Variants in COG4 observed in about 807,000 individuals in gnomAD.
The protein encoded by COG4 is component of oligomeric golgi complex 4, also known as conserved oligomeric Golgi complex subunit 4.
In COG4, 65 loss-of-function variants were observed where a neutral mutation model predicts 95.1. The observed-to-expected ratio is 0.68, with a 90% CI of 0.56 to 0.84. The LOEUF is 0.84. Ranked by LOEUF, COG4 falls within the 40% of genes least tolerant of loss-of-function variation. The pLI, the probability that COG4 is intolerant of heterozygous loss-of-function variation, is 0.00. For synonymous variants in COG4, 421 were observed against 374.8 expected (o/e 1.12, Z -1.42); for missense variants, 1,045 against 989.1 (o/e 1.06, Z -0.76).
chr16:70,522,423 C>T (rs2049967665), intron 1 of COG4, among the ~76,000 whole-genome samples: 1 of 152,188 alleles, frequency 6.6e-6, no homozygotes, highest in South Asian at 2.1e-4. Flanking sequence ...AGCACTCCAG[C>T]CTGCGCAACA....
intron 15 of COG4, chr16:70,482,486 C>T (rs1055255377): frequency 1.3e-5 from 8 of 610,190 alleles, no homozygotes; most frequent in African/African-American, 7.4e-5. Context: ...CTATCATAGG[C>T]GGGGCAAAAA....
At chr16:70,484,017 G>A in intron 13 of COG4, 48 bp from the exon 14 acceptor site, 1 of 1,333,902 alleles carries the variant, frequency 7.5e-7, no homozygotes, top group Non-Finnish European at 1.1e-6. Flanking sequence ...GTGGGCCATG[G>A]GAGTGTGAGG....
At chr16:70,492,956 T>A (rs1175849153) in intron 12 of COG4, among the ~76,000 whole-genome samples, 1 of 151,272 alleles carries the variant, frequency 6.6e-6, no homozygotes, top group Admixed American at 6.6e-5. Flanking sequence ...AGAACGAAAC[T>A]CCATCTCCAA....
rs2048972584 is a variant in COG4 at position 70,480,770 on chromosome 16, C to G, written c.*240G>C. 3.6e-6 allele frequency: 2 copies of G among 556,656 alleles called. No homozygotes were observed. Among genetic ancestry groups the G allele is most frequent in the Admixed American group, 3.1e-5 (1 of 32,126 alleles). 34.5% of individuals were successfully genotyped at this position (556,656 alleles called of 1,614,324 possible). On this transcript the variant is annotated 3_prime_UTR_variant, in exon 19 of 19. Coordinates refer to ENST00000323786, the MANE Select transcript of COG4 (RefSeq NM_015386.3). The stretch of plus-strand genomic sequence containing the variant: ...GCTGCTCGCTGCCTGCCGTGGCTTT[C>G]CCACCTCATTAGGAGCCCGCTTCTC...
At chr16:70,513,477 C>A (rs1263120651) in intron 4 of COG4, among the ~76,000 whole-genome samples, 4 of 152,154 alleles carry the variant, frequency 2.6e-5, no homozygotes, top group Admixed American at 2.6e-4. Context: ...AAACCATCGA[C>A]AGTACTGAAC....
chr16:70,516,370 C>T (rs2151762989), intron 3 of COG4, among the ~76,000 whole-genome samples: 1 of 151,866 alleles, frequency 6.6e-6, no homozygotes, highest in Admixed American at 6.6e-5. Context: ...CATCTCGGCT[C>T]ACTGTAAGCT....
At chr16:70,482,443 CACT>C in intron 15 of COG4, 1 of 609,354 alleles carries the variant, frequency 1.6e-6, no homozygotes, top group Non-Finnish European at 2.9e-6. Context: ...GGAATGAAAT[CACT>C]ACGCCAGGAG....
chr16:70,511,986 C>T (rs192564032), intron 5 of COG4, among the ~76,000 whole-genome samples: 17 of 151,946 alleles, frequency 1.1e-4, no homozygotes, highest in Admixed American at 1.1e-3. Context: ...TTTAATTTCA[C>T]ATGCTTTCGC....
rs2049894762 is a variant in COG4 at position 70,519,685 on chromosome 16, G to A, written c.218C>T (p.Thr73Ile). 6.2e-7 allele frequency: 1 copy of A among 1,613,744 alleles called. No homozygotes were observed. The highest frequency in any genetic ancestry group is 8.5e-7 in the Non-Finnish European group (1 of 1,179,894). Residue 73 changes from threonine to isoleucine, a missense_variant, in exon 2 of 19, where the codon ACC (threonine) becomes ATC (isoleucine). Transcript: ENST00000323786. ...ELDALLEQQN[T>I]IESKMVTLHR... ...GAGAGTGACCATCTTACTTTCAATG[G>A]TGTTTTGCTGTTCCAAAAGAGCATC...
intron 13 of COG4, among the ~76,000 whole-genome samples, chr16:70,487,458 G>A (rs1460139590): frequency 6.6e-6 from 1 of 151,996 alleles, no homozygotes; most frequent in Non-Finnish European, 1.5e-5. Flanking sequence ...TTAGCTGGGC[G>A]TGGTGGCAGG....
At chr16:70,493,925 C>T (rs982408999) in intron 12 of COG4, among the ~76,000 whole-genome samples, 5 of 152,156 alleles carry the variant, frequency 3.3e-5, no homozygotes, top group East Asian at 1.9e-4. Context: ...AGCCAGTCTT[C>T]GAGACATGAG....
chr16:70,505,220 C>T (rs868365526), intron 8 of COG4, among the ~76,000 whole-genome samples: 76 of 128,122 alleles, frequency 5.9e-4, no homozygotes, highest in Middle Eastern at 4.8e-3. Flanking sequence ...TTTTTTGAGA[C>T]AGAGTCTCGC....
In COG4 at chr16:70,512,233, C is replaced by G. The variant is rs764659186; in HGVS notation, c.738+6G>C. On this transcript the variant is annotated splice_donor_region_variant and intron_variant, in intron 5 of 18. Transcript: ENST00000323786. The stretch of plus-strand genomic sequence containing the variant: ...AATTATCCTGCCAAGCAATCAGGGT[C>G]CATACCTGCTTGCAAAGGTACTCCG... 1 of 1,613,138 alleles carries G rather than the reference C, an allele frequency of 6.2e-7. No homozygotes were observed. Among genetic ancestry groups the G allele is most frequent in the Non-Finnish European group, 8.5e-7 (1 of 1,179,132 alleles).
chr16:70,496,189 A>G (rs575546469), intron 12 of COG4, 77 bp downstream of exon 12: 12 of 1,513,638 alleles, frequency 7.9e-6, no homozygotes, highest in East Asian at 2.3e-5. Flanking sequence ...CTAGAGGCCA[A>G]TTATACTGTG....
chr16:70,487,282 TA>T (rs1311298221), intron 13 of COG4, among the ~76,000 whole-genome samples: 4 of 98,796 alleles, frequency 4.0e-5, no homozygotes, highest in African/African-American at 1.3e-4. Flanking sequence ...TCTCAAAAAA[TA>T]AAAAAATAAA....
chr16:70,523,444 C>A lies in COG4; in HGVS notation c.100G>T (p.Ala34Ser). 6.2e-7 allele frequency: 1 copy of A among 1,614,096 alleles called. No individual in the cohort carries two copies. The highest frequency in any genetic ancestry group is 8.5e-7 in the Non-Finnish European group (1 of 1,180,006). ...TCTGTCAGGGAGCGAATGAGCTCAGCGGAGATTTCGGAGCAGCGGCCACCT... is the reference window on the plus strand; with the variant it reads ...TCTGTCAGGGAGCGAATGAGCTCAGAGGAGATTTCGGAGCAGCGGCCACCT... ...VGGGRCSEIS[A>S]ELIRSLTELQ... The change falls in exon 1 of 19, where the codon GCT becomes TCT. Residue 34 changes from alanine (A) to serine (S), a missense_variant. Coordinates refer to ENST00000323786, the MANE Select transcript of COG4 (RefSeq NM_015386.3).
At chr16:70,492,399 C>T (rs2049262023) in intron 12 of COG4, among the ~76,000 whole-genome samples, 1 of 152,148 alleles carries the variant, frequency 6.6e-6, no homozygotes, top group Admixed American at 6.5e-5. Flanking sequence ...TGGCTCATGC[C>T]TGTAATCACA....
intron 2 of COG4, 78 bp downstream of exon 2, chr16:70,519,571 A>T (rs1466335161): frequency 7.7e-6 from 8 of 1,035,542 alleles, no homozygotes; most frequent in East Asian, 7.1e-5. Context: ...TTTATAACAG[A>T]AAGTTTAAAA....
chr16:70,490,185 G>C, intron 13 of COG4, 145 bp downstream of exon 13: 2 of 737,004 alleles, frequency 2.7e-6, no homozygotes, highest in East Asian at 2.6e-5. Context: ...AGGATGCCTT[G>C]CTATCATGTC....
Sources: gnomAD v4.1 joint callset for allele counts (sites outside exome capture counted in the v4.1 genomes callset) on GRCh38, gnomAD v4.1.1 for gene constraint, MANE v1.5 for transcripts, NCBI Gene and HGNC (gene_info 2026-07-23, HGNC 2026-07-21) for gene names.